The following TTLL12 variants were observed in gnomAD, a reference collection of about 807,000 sequenced individuals.
TTLL12 encodes tubulin tyrosine ligase like 12.
TTLL12 carries 77 observed loss-of-function variants against 79.6 expected under a neutral mutation model. That is an observed-to-expected ratio of 0.97 (90% CI 0.81 to 1.17). The LOEUF (loss-of-function observed/expected upper bound fraction) is 1.17. TTLL12 is among the 50% of genes most tolerant of loss of function. The probability of loss-of-function intolerance (pLI) is 0.00; values close to 1 mark genes in which losing one functional copy is unlikely to be tolerated. For synonymous variants in TTLL12, 437 were observed against 376.1 expected (o/e 1.16, Z -1.87); for missense variants, 969 against 895.9 (o/e 1.08, Z -1.04).
intron 2 of TTLL12, 115 bp from the exon 3 acceptor site, chr22:43,181,055 G>A: frequency 8.4e-7 from 1 of 1,192,120 alleles, no homozygotes; most frequent in Non-Finnish European, 1.2e-6. Flanking sequence ...CCTTAGATTT[G>A]GTCTACTGGG....
intron 9 of TTLL12, 127 bp from the exon 10 acceptor site, chr22:43,172,681 T>A: frequency 1.0e-6 from 1 of 964,148 alleles, no homozygotes; most frequent in Non-Finnish European, 1.5e-6. Context: ...TTTTCAAACC[T>A]GCCTAAGTTG....
intron 10 of TTLL12, 40 bp downstream of exon 10, chr22:43,172,363 C>G (rs373917703): frequency 1.9e-6 from 3 of 1,604,102 alleles, no homozygotes; most frequent in African/African-American, 1.3e-5. Flanking sequence ...ACCCGGTCAC[C>G]CAGCTCCCCG....
rs1241952948 is a variant in TTLL12, at chr22:43,176,388, C to T, written c.849G>A (p.Leu283=). ...GTGGCAGCTTCTCCTTGTTTTCCTC[C>T]AGAATGGCCTAAAAGGAAACACACC... is the stretch of plus-strand genomic sequence containing the variant. The part of the protein sequence containing the change: ...EPPAEHYQAI[L]EENKEKLPLD... Residue 283 remains leucine, a synonymous_variant, in exon 6 of 14, where the codon CTG becomes CTA. Transcript: ENST00000216129. 1.9e-6 allele frequency: 3 copies of T among 1,605,544 alleles called. No individual in the cohort carries two copies. Among genetic ancestry groups the T allele is most frequent in the Non-Finnish European group, 2.5e-6 (3 of 1,177,048 alleles).
At position 43,174,261 on chromosome 22, in the gene TTLL12, G is replaced by A. The variant is rs769252805; in HGVS notation, c.1177C>T (p.Leu393=). 14 of 1,609,912 alleles carry A rather than the reference G, an allele frequency of 8.7e-6. No homozygotes were observed. In the South Asian group the frequency reaches 1.5e-4, roughly 18 times the overall value. ...GPPWLPRTFN[L]RTELPQFVSY... is the part of the protein sequence containing the mutation. The stretch of plus-strand genomic sequence containing the variant: ...ACAAACTGGGGCAGCTCAGTGCGCA[G>A]GTTGAAGGTTCGGGGCAGCCAGGGT... Residue 393 remains leucine (L), a synonymous_variant, in exon 8 of 14, where the codon CTG becomes TTG. Coordinates refer to ENST00000216129, the MANE Select transcript of TTLL12 (RefSeq NM_015140.4).
chr22:43,178,953 G>A (rs1001429741), intron 5 of TTLL12, among the ~76,000 whole-genome samples: 1 of 151,884 alleles, frequency 6.6e-6, no homozygotes, highest in Non-Finnish European at 1.5e-5. Context: ...GCAGATGGGA[G>A]AGGAGGGGAA....
intron 1 of TTLL12, among the ~76,000 whole-genome samples, chr22:43,186,237 G>A (rs1932183160): frequency 7.0e-6 from 1 of 143,688 alleles, no homozygotes; most frequent in South Asian, 2.2e-4. Context: ...CAGCCTCTGG[G>A]CACGCAATAA....
intron 2 of TTLL12, among the ~76,000 whole-genome samples, chr22:43,182,038 C>T (rs113129890): frequency 8.4e-5 from 12 of 142,012 alleles, no homozygotes; most frequent in African/African-American, 2.8e-4. Context: ...CAGAAAGGCC[C>T]GGAAGCAGGT....
chr22:43,174,162 CG>C lies in TTLL12; in HGVS notation c.1229+46del, dbSNP rs766295533. 4.4e-6 allele frequency: 7 copies of C among 1,575,196 alleles called. No individual in the cohort carries two copies. In the South Asian group the frequency reaches 6.8e-5, roughly 15 times the overall value. ...GAGCAGGCGGACACAGACGCTGGGC[CG>C]GGGAAAAGGGCCATGGAGCACACCG... is the stretch of plus-strand genomic sequence containing the variant. On this transcript the variant is annotated intron_variant, in intron 8 of 13. Transcript: ENST00000216129.
chr22:43,186,031 TAG>T (rs1569488361), intron 1 of TTLL12: 1 of 985,312 alleles, frequency 1.0e-6, no homozygotes, highest in Non-Finnish European at 1.2e-6. Flanking sequence ...TCAGAGACCG[TAG>T]AGTCTGGCCA....
Position 43,174,182 on chromosome 22 carries a change from C to T in TTLL12, c.1229+27G>A, listed in dbSNP as rs370019904. ...TGGGCCGGGGAAAAGGGCCATGGAG[C>T]ACACCGATGCCGTGTCTGGGACTTA... On this transcript the variant is annotated intron_variant, in intron 8 of 13. Coordinates refer to ENST00000216129, the MANE Select transcript of TTLL12 (RefSeq NM_015140.4). The T allele has an allele frequency of 6.5e-5, 103 of 1,594,268 alleles. No homozygotes were observed. The African/African-American group carries it at 1.3e-3, about 19-fold the overall frequency.
intron 5 of TTLL12, among the ~76,000 whole-genome samples, chr22:43,177,224 C>T (rs1200299618): frequency 1.3e-5 from 2 of 151,826 alleles, no homozygotes; most frequent in Non-Finnish European, 2.9e-5. Context: ...GAATAATTAG[C>T]GGGGCTTGGT....
chr22:43,172,688 G>T, intron 9 of TTLL12, 134 bp from the exon 10 acceptor site: 5 of 894,738 alleles, frequency 5.6e-6, no homozygotes, highest in Non-Finnish European at 8.3e-6. Flanking sequence ...ACCTGCCTAA[G>T]TTGCTGCAAA....
chr22:43,168,520 G>A (rs1021045930), intron 13 of TTLL12, among the ~76,000 whole-genome samples: 2 of 152,032 alleles, frequency 1.3e-5, no homozygotes, highest in Non-Finnish European at 2.9e-5. Flanking sequence ...GTTGGGGTCA[G>A]GGTGCCTTTC....
chr22:43,168,945 G>A, intron 12 of TTLL12, 33 bp from the exon 13 acceptor site: 9 of 1,589,622 alleles, frequency 5.7e-6, no homozygotes, highest in Non-Finnish European at 6.9e-6. Context: ...TACGAGGCCT[G>A]CTCAGAACAG....
chr22:43,182,426 T>G (rs1932082206), intron 2 of TTLL12, among the ~76,000 whole-genome samples: 1 of 152,220 alleles, frequency 6.6e-6, no homozygotes, highest in Non-Finnish European at 1.5e-5. Context: ...CAAGTTTCTC[T>G]GAGGGTCCAC....
intron 1 of TTLL12, among the ~76,000 whole-genome samples, chr22:43,183,809 C>T (rs1362125393): frequency 1.3e-5 from 2 of 152,372 alleles, no homozygotes; most frequent in African/African-American, 4.8e-5. Context: ...CACACTCACG[C>T]CCTGTCTGCC....
rs762399120 is a variant in TTLL12 at position 43,168,113 on chromosome 22, G to C, written c.1830C>G (p.Pro610=). ...QPQILEVNFN[P]DCERACRYHP... is the part of the protein sequence containing the mutation. ...GGTACCTGCAGGCTCGCTCACAGTC[G>C]GGGTTGAAGTTCACCTCCAGGATCT... Residue 610 remains proline, a synonymous_variant, in exon 14 of 14, where the codon CCC becomes CCG. Transcript: ENST00000216129. The C allele has an allele frequency of 6.2e-6, 10 of 1,614,044 alleles. No individual in the cohort carries two copies. The South Asian group carries it at 9.9e-5, about 16-fold the overall frequency.
chr22:43,186,332 A>T (rs574723882), intron 1 of TTLL12, among the ~76,000 whole-genome samples: 5 of 152,152 alleles, frequency 3.3e-5, no homozygotes, highest in African/African-American at 7.2e-5. Context: ...CGTCCTCACA[A>T]AAAGGGAGAG....
At chr22:43,174,087 C>A (rs1484258660) in intron 8 of TTLL12, 122 bp downstream of exon 8, 4 of 1,334,424 alleles carry the variant, frequency 3.0e-6, no homozygotes, top group Middle Eastern at 2.3e-4. Context: ...ACGTTCGGGG[C>A]CCACAGCTCG....
Sources: allele counts gnomAD v4.1 joint callset (sites outside exome capture counted in the v4.1 genomes callset), GRCh38; gene constraint gnomAD v4.1.1; transcripts MANE v1.5; gene names NCBI Gene and HGNC (gene_info 2026-07-23, HGNC 2026-07-21).